Variants in USP42 observed in about 807,000 individuals in gnomAD.
USP42 encodes the protein ubiquitin carboxyl-terminal hydrolase 42.
Under a neutral mutation model 113.0 loss-of-function variants are expected in USP42, and 23 were observed. The observed-to-expected ratio is 0.20, with a 90% confidence interval of 0.15 to 0.29. The LOEUF (loss-of-function observed/expected upper bound fraction) is 0.29, where lower values mean the gene tolerates loss of function less well. Ranked by LOEUF, USP42 falls within the 10% of genes least tolerant of loss-of-function variation. USP42 has a pLI of 1.00. For synonymous variants in USP42, 933 were observed against 699.0 expected, an observed-to-expected ratio of 1.33 and a Z score of -5.28; for missense variants, 2,174 against 1,779.8, an observed-to-expected ratio of 1.22 and a Z score of -3.99.
intron 1 of USP42, among the ~76,000 whole-genome samples, chr7:6,107,910 T>G (rs1779381356): frequency 6.6e-6 from 1 of 152,208 alleles, no homozygotes; most frequent in Admixed American, 6.5e-5. Flanking sequence ...CAAACATCTT[T>G]TCTATTTCTA....
At position 6,110,493 on chromosome 7, in the gene USP42, G is replaced by C. The variant is rs561459138; in HGVS notation, c.-9-632G>C. ...CCTTTCATAACAGATATTTGTGTTT[G>C]AGTTTGATATCAGTAATGGCTTACG... On this transcript the variant is annotated intron_variant, in intron 1 of 17. Transcript: ENST00000306177. 5.9e-5 allele frequency among the ~76,000 whole-genome samples: 9 copies of C among 152,246 alleles called. No homozygotes were observed. The South Asian group carries it at 8.3e-4, about 14-fold the overall frequency.
intron 3 of USP42, among the ~76,000 whole-genome samples, chr7:6,118,813 A>G (rs148438611): frequency 2.6e-5 from 4 of 152,330 alleles, no homozygotes; most frequent in Non-Finnish European, 5.9e-5. Context: ...ACAGAAGAAA[A>G]AAAATCAGTA....
chr7:6,086,668 C>CCCCTT, the USP42 span, among the ~76,000 whole-genome samples: 1 of 147,152 alleles, frequency 6.8e-6, no homozygotes, highest in Non-Finnish European at 1.5e-5. Context: ...CCTTCCCTTC[C>CCCCTT]CCCTTCCCTT....
At chr7:6,102,855 G>A (rs770172283), upstream of USP42, among the ~76,000 whole-genome samples, 8 of 151,166 alleles carry the variant, frequency 5.3e-5, no homozygotes, top group Non-Finnish European at 8.8e-5. Context: ...GTGATCTGAC[G>A]GTTTTTGGAA....
intron 3 of USP42, among the ~76,000 whole-genome samples, chr7:6,129,518 C>T (rs576090865): frequency 1.9e-3 from 280 of 146,040 alleles, no homozygotes; most frequent in African/African-American, 6.8e-3. Context: ...GATTGTGCTA[C>T]TGCACTCCAG....
chr7:6,105,266 G>C (rs1449452404), intron 1 of USP42, among the ~76,000 whole-genome samples: 2 of 146,174 alleles, frequency 1.4e-5, no homozygotes, highest in Non-Finnish European at 3.0e-5. Flanking sequence ...AGGGGGCGGC[G>C]GCCGCGGCGG....
chr7:6,157,464 C>T lies in USP42; in HGVS notation c.3943+409C>T. 1.2e-6 allele frequency: 1 copy of T among 822,126 alleles called. No individual in the cohort carries two copies. The highest frequency in any genetic ancestry group is 5.6e-5 in the South Asian group (1 of 17,968). 50.9% of individuals were successfully genotyped at this position (822,126 alleles called of 1,614,324 possible). A position where few individuals can be genotyped will look rare whatever the true frequency, so the allele number is the denominator to read the frequency against. On this transcript the variant is annotated intron_variant, in intron 16 of 17. Coordinates refer to ENST00000306177, the MANE Select transcript of USP42 (RefSeq NM_032172.3). This position sits in a 1 kb window ranked among gnomAD's most constrained non-coding sequence, Gnocchi z 4.1. The stretch of plus-strand genomic sequence containing the variant: ...CAGGCTGGAGTGCAGTGGCGGCGAT[C>T]TCAGCTCACTGCAACCTCTGCCTCC...
chr7:6,107,920 A>G (rs751938391), intron 1 of USP42, among the ~76,000 whole-genome samples: 4 of 152,098 alleles, frequency 2.6e-5, no homozygotes, highest in Admixed American at 1.3e-4. Context: ...TTCTATTTCT[A>G]CTTGAGTTCA....
intron 7 of USP42, among the ~76,000 whole-genome samples, chr7:6,142,234 T>G (rs1781469868): frequency 6.8e-6 from 1 of 146,026 alleles, no homozygotes; most frequent in African/African-American, 2.6e-5. Flanking sequence ...TTTTTTTTTT[T>G]GAGACGGAGT....
rs1301534985 is a variant in USP42 at position 6,159,583 on chromosome 7, G to A, written c.*36+90G>A. The A allele has an allele frequency of 6.7e-6, 9 of 1,351,514 alleles. No individual in the cohort carries two copies. Among genetic ancestry groups the A allele is most frequent in the Admixed American group, 5.8e-5 (3 of 52,082 alleles). The allele number at this position is 1,351,514 out of a possible 1,614,324, so 83.7% of individuals were successfully genotyped here. ...AGTTTTAATTCTGCGGCTCTGCCTGGGGGCTGGGCTCATAGGAGTTGGCAG... is the reference window on the plus strand; with the variant it reads ...AGTTTTAATTCTGCGGCTCTGCCTGAGGGCTGGGCTCATAGGAGTTGGCAG... On this transcript the variant is annotated intron_variant, in intron 17 of 17. Coordinates refer to ENST00000306177, the MANE Select transcript of USP42 (RefSeq NM_032172.3). This position sits in a 1 kb window ranked among gnomAD's most constrained non-coding sequence, Gnocchi z 4.1.
chr7:6,143,846 G>T (rs1025647477), intron 8 of USP42, among the ~76,000 whole-genome samples: 6 of 152,076 alleles, frequency 3.9e-5, no homozygotes, highest in Non-Finnish European at 8.8e-5. Context: ...GGTGGCTTGC[G>T]TGGCTTGGTT....
chr7:6,104,582 G>A (rs984018955), upstream of USP42, among the ~76,000 whole-genome samples: 3 of 152,216 alleles, frequency 2.0e-5, no homozygotes, highest in African/African-American at 4.8e-5. Context: ...GCAGGACGAG[G>A]CGAAAGCCCA....
At chr7:6,136,708 G>C (rs1423978020) in intron 4 of USP42, among the ~76,000 whole-genome samples, 1 of 152,048 alleles carries the variant, frequency 6.6e-6, no homozygotes, top group African/African-American at 2.4e-5. Context: ...AGTTAATTAG[G>C]CTACTCTGGA....
At chr7:6,146,675 A>G (rs1473527191) in intron 11 of USP42, among the ~76,000 whole-genome samples, 1 of 152,180 alleles carries the variant, frequency 6.6e-6, no homozygotes, top group Non-Finnish European at 1.5e-5. Context: ...AAAAAAACCA[A>G]AAACCATCAA....
In USP42 at chr7:6,154,027, A is replaced by G. The variant is rs776612818; in HGVS notation, c.2473A>G (p.Thr825Ala). The change falls in exon 15 of 18, where the codon ACA (threonine) becomes GCA (alanine). Residue 825 changes from threonine (T) to alanine (A), a missense_variant. Transcript: ENST00000306177. The part of the protein sequence containing the change: ...PPDLCDPGSL[T>A]GDASPLSQDA... ...TGACCTGTGTGATCCCGGGAGCTTA[A>G]CAGGCGATGCGAGCCCGTTGTCCCA... The G allele has an allele frequency of 4.4e-6, 7 of 1,604,770 alleles. 1 individual carries two copies. In the South Asian group the frequency reaches 7.7e-5, roughly 18 times the overall value.
At chr7:6,082,608 T>G in the USP42 span, among the ~76,000 whole-genome samples, 3 of 80,502 alleles carry the variant, frequency 3.7e-5, no homozygotes, top group South Asian at 9.3e-4. Context: ...TTTCTGTTTT[T>G]TTTTTTTTTT....
intron 3 of USP42, among the ~76,000 whole-genome samples, chr7:6,126,681 T>G (rs1003170420): frequency 1.3e-5 from 2 of 151,924 alleles, no homozygotes; most frequent in Non-Finnish European, 2.9e-5. Flanking sequence ...TAAACACATC[T>G]AGGTTGTTTC....
rs765970202 is a variant in USP42, at chr7:6,154,028, C to T, written c.2474C>T (p.Thr825Ile). The T allele has an allele frequency of 4.5e-5, 72 of 1,604,794 alleles. No individual in the cohort carries two copies. Among genetic ancestry groups the T allele is most frequent in the African/African-American group, 3.9e-4 (29 of 75,044 alleles). ...GACCTGTGTGATCCCGGGAGCTTAACAGGCGATGCGAGCCCGTTGTCCCAG... is the reference window on the plus strand; with the variant it reads ...GACCTGTGTGATCCCGGGAGCTTAATAGGCGATGCGAGCCCGTTGTCCCAG... Reference protein sequence around the residue: ...PPDLCDPGSLTGDASPLSQDA... With the variant: ...PPDLCDPGSLIGDASPLSQDA... The change falls in exon 15 of 18, where the codon ACA (threonine) becomes ATA (isoleucine). Residue 825 changes from threonine to isoleucine, a missense_variant. By Grantham distance (89) the Thr-to-Ile change is moderately conservative. Transcript: ENST00000306177.
the USP42 span, among the ~76,000 whole-genome samples, chr7:6,089,145 C>T: frequency 4.0e-5 from 6 of 150,246 alleles, no homozygotes; most frequent in African/African-American, 1.3e-4. Context: ...CCCAGGTTCA[C>T]GCCATTCTCC....
Sources: gnomAD v4.1 joint callset for allele counts (sites outside exome capture counted in the v4.1 genomes callset) on GRCh38, gnomAD v4.1.1 for gene constraint, Gnocchi (gnomAD v3.1) non-coding constraint, MANE v1.5 for transcripts, NCBI Gene and HGNC (gene_info 2026-07-23, HGNC 2026-07-21) for gene names.